Variants in OBI1 observed in about 807,000 individuals in gnomAD.
OBI1 encodes ring finger protein 219.
OBI1 carries 59 observed loss-of-function variants against 62.4 expected under a neutral mutation model. The ratio of observed to expected loss-of-function variants is 0.95; its 90% CI spans 0.77 to 1.17. The LOEUF (loss-of-function observed/expected upper bound fraction) is 1.17, where lower values mean the gene tolerates loss of function less well. Among genes scored for constraint, OBI1 ranks in the 50% most tolerant of loss-of-function variants. The probability of loss-of-function intolerance (pLI) is 0.00; values close to 1 mark genes in which losing one functional copy is unlikely to be tolerated. For missense variants in OBI1, 875 were observed against 830.9 expected, an observed-to-expected ratio of 1.05 and a Z score of -0.65; for synonymous variants, 302 against 292.8, an observed-to-expected ratio of 1.03 and a Z score of -0.32.
intron 2 of OBI1, among the ~76,000 whole-genome samples, chr13:78,644,262 C>T (rs1250997079): frequency 1.3e-5 from 2 of 152,198 alleles, no homozygotes; most frequent in Non-Finnish European, 2.9e-5. Context: ...ATGCCCAATT[C>T]ACCCTTCTTC....
chr13:78,643,580 G>T (rs1352199972), intron 2 of OBI1, among the ~76,000 whole-genome samples: 4 of 152,140 alleles, frequency 2.6e-5, no homozygotes, highest in African/African-American at 9.7e-5. Flanking sequence ...CCTGAGGTCG[G>T]GAGTTCGAGA....
intron 5 of OBI1, among the ~76,000 whole-genome samples, chr13:78,627,398 A>G (rs1458929427): frequency 6.7e-6 from 1 of 149,896 alleles, no homozygotes; most frequent in Non-Finnish European, 1.5e-5. Context: ...TGCTGCACCT[A>G]CTGACCCATC....
chr13:78,626,324 AAAGG>A (rs1312019424), intron 5 of OBI1, among the ~76,000 whole-genome samples: 1 of 152,204 alleles, frequency 6.6e-6, no homozygotes, highest in Non-Finnish European at 1.5e-5. Flanking sequence ...AGACTCCATA[AAAGG>A]AAGATACACA....
chr13:78,635,107 T>C lies in OBI1; in HGVS notation c.638+3A>G, dbSNP rs1196558909. 1.9e-6 allele frequency: 3 copies of C among 1,575,250 alleles called. No homozygotes were observed. The highest frequency in any genetic ancestry group is 1.7e-5 in the Admixed American group (1 of 57,322). ...AGCATTGCTCTGGGAGCAAAATACATACTTTTGAGGTGATCTGTTATCAAC... is the reference window on the plus strand; with the variant it reads ...AGCATTGCTCTGGGAGCAAAATACACACTTTTGAGGTGATCTGTTATCAAC... On this transcript the variant is annotated splice_donor_region_variant and intron_variant, in intron 5 of 5. Transcript: ENST00000282003.
intron 1 of OBI1, among the ~76,000 whole-genome samples, chr13:78,646,703 C>T (rs1479822232): frequency 6.7e-6 from 1 of 149,754 alleles, no homozygotes; most frequent in Non-Finnish European, 1.5e-5. Context: ...AATGCTTGTG[C>T]TACTCTATGT....
chr13:78,638,620 C>T, intron 4 of OBI1, among the ~76,000 whole-genome samples: 1 of 152,184 alleles, frequency 6.6e-6, no homozygotes, highest in South Asian at 2.1e-4. Flanking sequence ...TATAGTCACA[C>T]ATGGAACCAC....
Position 78,615,045 on chromosome 13 carries a change from A to T in OBI1, c.*535T>A, listed in dbSNP as rs1875208313. 1 of 152,238 alleles carries T rather than the reference A, an allele frequency of 6.6e-6. No individual in the cohort carries two copies. The highest frequency in any genetic ancestry group is 2.1e-4 in the South Asian group (1 of 4,832). The allele number at this position is 152,238 out of a possible 1,614,324, so 9.4% of individuals were successfully genotyped here. A position where few individuals can be genotyped will look rare whatever the true frequency, so the allele number is the denominator to read the frequency against. On this transcript the variant is annotated 3_prime_UTR_variant, in exon 6 of 6. Coordinates refer to ENST00000282003, the MANE Select transcript of OBI1 (RefSeq NM_024546.4). ...CTATTTCTCCATCATGGCCCTGCAG[A>T]AAAACTAGGCCATCACTAAACATAA...
chr13:78,616,026 C>T lies in OBI1; in HGVS notation c.1735G>A (p.Glu579Lys). Reference sequence around the variant, plus strand: ...GTTTTTTCTTCCAACTTATCAGGTTCCTCAAGAAATTCACTGCCTTGAGAT... The same window carrying T: ...GTTTTTTCTTCCAACTTATCAGGTTTCTCAAGAAATTCACTGCCTTGAGAT... ...KSSQGSEFLEEPDKLEEKTEL... is the reference protein window; with the variant it reads ...KSSQGSEFLEKPDKLEEKTEL... The change falls in exon 6 of 6, where the codon GAA (glutamate) becomes AAA (lysine). Residue 579 changes from glutamate to lysine, a missense_variant. Glu to Lys is a moderately conservative substitution (Grantham distance 56). Coordinates refer to ENST00000282003, the MANE Select transcript of OBI1 (RefSeq NM_024546.4). 6.2e-7 allele frequency: 1 copy of T among 1,614,122 alleles called. No individual in the cohort carries two copies. Among genetic ancestry groups the T allele is most frequent in the Non-Finnish European group, 8.5e-7 (1 of 1,180,012 alleles).
chr13:78,641,063 T>C (rs1386816903), intron 3 of OBI1, among the ~76,000 whole-genome samples: 2 of 152,182 alleles, frequency 1.3e-5, no homozygotes, highest in African/African-American at 2.4e-5. Context: ...CTTACTATGA[T>C]GCCATTTATT....
At chr13:78,650,422 G>A (rs1440259947) in intron 1 of OBI1, among the ~76,000 whole-genome samples, 2 of 152,116 alleles carry the variant, frequency 1.3e-5, no homozygotes, top group East Asian at 1.9e-4. Flanking sequence ...TTTTGTTCTG[G>A]GCCATCTTAT....
chr13:78,629,214 G>A (rs2137439596), intron 5 of OBI1, among the ~76,000 whole-genome samples: 1 of 152,164 alleles, frequency 6.6e-6, no homozygotes, highest in African/African-American at 2.4e-5. Context: ...TGGGGTTGCT[G>A]TACAGTAAAA....
intron 1 of OBI1, among the ~76,000 whole-genome samples, chr13:78,657,201 A>C (rs984218641): frequency 2.0e-5 from 3 of 152,100 alleles, no homozygotes; most frequent in Non-Finnish European, 4.4e-5. Context: ...TTTAGCATAA[A>C]GTCTGGCACA....
chr13:78,655,974 GA>G (rs1303692979), intron 1 of OBI1, among the ~76,000 whole-genome samples: 3 of 152,156 alleles, frequency 2.0e-5, no homozygotes, highest in Non-Finnish European at 4.4e-5. Context: ...GGAACCAGCT[GA>G]AAATTCTGGA....
intron 1 of OBI1, among the ~76,000 whole-genome samples, chr13:78,649,139 A>C (rs1334674158): frequency 2.0e-5 from 3 of 152,338 alleles, no homozygotes; most frequent in Admixed American, 6.5e-5. Flanking sequence ...TAAGTGGACA[A>C]GTTCAACAAG....
At chr13:78,629,626 T>C (rs1350043717) in intron 5 of OBI1, among the ~76,000 whole-genome samples, 1 of 152,148 alleles carries the variant, frequency 6.6e-6, no homozygotes, top group Non-Finnish European at 1.5e-5. Context: ...TATATCCACA[T>C]AGCTTGGCAC....
At chr13:78,625,659 T>C (rs1875644327) in intron 5 of OBI1, among the ~76,000 whole-genome samples, 1 of 152,196 alleles carries the variant, frequency 6.6e-6, no homozygotes, top group South Asian at 2.1e-4. Flanking sequence ...AGTACCTGTC[T>C]ATCCCCAATT....
chr13:78,625,543 A>T (rs1262707698), intron 5 of OBI1, among the ~76,000 whole-genome samples: 1 of 152,196 alleles, frequency 6.6e-6, no homozygotes, highest in Non-Finnish European at 1.5e-5. Flanking sequence ...CTCTTCTCAA[A>T]CAGTTCATAA....
At chr13:78,641,134 C>T (rs910218218) in intron 3 of OBI1, among the ~76,000 whole-genome samples, 2 of 152,122 alleles carry the variant, frequency 1.3e-5, no homozygotes, top group Admixed American at 1.3e-4. Flanking sequence ...AGAAAATAAA[C>T]CCCCAAGTAG....
At chr13:78,648,295 C>G (rs1876446534) in intron 1 of OBI1, among the ~76,000 whole-genome samples, 1 of 151,696 alleles carries the variant, frequency 6.6e-6, no homozygotes, top group Admixed American at 6.6e-5. Context: ...CACACACACA[C>G]ACACACACAC....
Sources: gnomAD v4.1 joint callset for allele counts (sites outside exome capture counted in the v4.1 genomes callset) on GRCh38, gnomAD v4.1.1 for gene constraint, MANE v1.5 for transcripts, NCBI Gene and HGNC (gene_info 2026-07-23, HGNC 2026-07-21) for gene names.